Variants in KAZN observed in about 807,000 individuals in gnomAD.
KAZN encodes kazrin, periplakin interacting protein.
Under a neutral mutation model 87.4 loss-of-function variants are expected in KAZN, and 40 were observed. That is an observed-to-expected ratio of 0.46 (90% CI 0.36 to 0.60). The LOEUF (loss-of-function observed/expected upper bound fraction) is 0.60. Among genes scored for constraint, KAZN ranks in the 20% least tolerant of loss-of-function variants. KAZN has a pLI of 0.00. For synonymous variants in KAZN, 466 were observed against 458.3 expected (o/e 1.02, Z -0.22); for missense variants, 898 against 1,073.9 (o/e 0.84, Z 2.29).
intron 1 of KAZN, among the ~76,000 whole-genome samples, chr1:13,964,909 G>A (rs1437081541): frequency 6.6e-6 from 1 of 152,338 alleles, no homozygotes; most frequent in East Asian, 1.9e-4. Flanking sequence ...GAAACTGACA[G>A]TTGGACAAAG....
rs530098189 is a variant in KAZN, at chr1:14,210,491, C to T, written c.249+29899C>T. Among the ~76,000 whole-genome samples, 616 of 152,202 alleles carry T rather than the reference C, an allele frequency of 4.0e-3. 7 individuals carry two copies. The highest frequency in any genetic ancestry group is 6.2e-3 in the Non-Finnish European group (422 of 68,010). ...GATGCCTGCTACAGTGGAGGTGAAA[C>T]AAATTGTGAACAATGGGGTCTAAAC... On this transcript the variant is annotated intron_variant, in intron 2 of 16. Coordinates refer to the KAZN transcript ENST00000636203.
chr1:14,188,460 C>T (rs555844731), intron 2 of KAZN, among the ~76,000 whole-genome samples: 2 of 152,150 alleles, frequency 1.3e-5, no homozygotes, highest in African/African-American at 4.8e-5. Flanking sequence ...TTGGTGTCCA[C>T]AGAGGAACCG....
intron 1 of KAZN, among the ~76,000 whole-genome samples, chr1:14,083,237 A>C (rs1399094255): frequency 6.6e-6 from 1 of 152,234 alleles, no homozygotes; most frequent in Non-Finnish European, 1.5e-5. Context: ...TACATAGAGC[A>C]CTTTCTCATA....
chr1:14,326,461 C>T lies in KAZN; in HGVS notation c.249+145869C>T, dbSNP rs183196670. ...CACTTGGGTGATTGCACTGGGTTGC[C>T]CCCATCCTTGCCGTTGACTCTCCAT... On this transcript the variant is annotated intron_variant, in intron 2 of 16. Coordinates refer to the KAZN transcript ENST00000636203. Among the ~76,000 whole-genome samples the T allele has an allele frequency of 2.6e-5, 4 of 152,338 alleles. No homozygotes were observed. The East Asian group carries it at 5.8e-4, about 22-fold the overall frequency.
intron 2 of KAZN, among the ~76,000 whole-genome samples, chr1:14,268,492 G>GGA (rs1651672723): frequency 1.4e-5 from 2 of 147,954 alleles, no homozygotes; most frequent in Non-Finnish European, 3.0e-5. Flanking sequence ...AAAAGGAAAA[G>GGA]AAACTCAACA....
chr1:14,999,299 C>A (rs894015650), intron 2 of KAZN, among the ~76,000 whole-genome samples: 1 of 152,202 alleles, frequency 6.6e-6, no homozygotes, highest in Non-Finnish European at 1.5e-5. Flanking sequence ...TGACTTTAGC[C>A]CAGTGATTTC....
chr1:14,611,527 A>T (rs769040019), intron 1 of KAZN, among the ~76,000 whole-genome samples: 1 of 152,068 alleles, frequency 6.6e-6, no homozygotes, highest in Non-Finnish European at 1.5e-5. Context: ...TCTCTACAAA[A>T]ATCTTAAAAA....
intron 2 of KAZN, among the ~76,000 whole-genome samples, chr1:14,423,865 T>C (rs1479953913): frequency 1.3e-5 from 2 of 152,118 alleles, no homozygotes; most frequent in South Asian, 2.1e-4. Flanking sequence ...CTAGAGACAA[T>C]GTAAGGCTGG....
rs200434339 is a variant in KAZN at position 14,000,240 on chromosome 1, AC to A, written c.91+106485del. 6.9e-3 allele frequency among the ~76,000 whole-genome samples: 1,049 copies of A among 152,288 alleles called. 6 individuals carry two copies. The highest frequency in any genetic ancestry group is 0.024 in the Middle Eastern group (7 of 294). ...CTGATACCAAAACCGGGAAGAGGCAACAAAAAAAGAAAACTTCAGGCCAATA... is the reference window on the plus strand; with the variant it reads ...CTGATACCAAAACCGGGAAGAGGCAAAAAAAAAGAAAACTTCAGGCCAATA... On this transcript the variant is annotated intron_variant, in intron 1 of 16. Transcript: ENST00000636203.
At chr1:14,385,614 T>C (rs571400925) in intron 2 of KAZN, among the ~76,000 whole-genome samples, 1 of 152,368 alleles carries the variant, frequency 6.6e-6, no homozygotes, top group African/African-American at 2.4e-5. Flanking sequence ...TCCATGTAGT[T>C]GAGCGGTTTT....
At position 13,898,301 on chromosome 1, in the gene KAZN, C is replaced by T. The variant is rs1392362068; in HGVS notation, c.91+4545C>T. On this transcript the variant is annotated intron_variant, in intron 1 of 16. Transcript: ENST00000636203. ...TACCCCCTGACCTGGCATTTGGCTGCGTCTCTGCAGAGGGCTGTTGCCCCA... is the reference window on the plus strand; with the variant it reads ...TACCCCCTGACCTGGCATTTGGCTGTGTCTCTGCAGAGGGCTGTTGCCCCA... 3.9e-5 allele frequency among the ~76,000 whole-genome samples: 6 copies of T among 152,288 alleles called. No individual in the cohort carries two copies. In the South Asian group the frequency reaches 6.2e-4, roughly 16 times the overall value.
intron 2 of KAZN, among the ~76,000 whole-genome samples, chr1:14,992,398 A>G (rs996723392): frequency 2.6e-5 from 4 of 152,166 alleles, no homozygotes; most frequent in African/African-American, 7.2e-5. Flanking sequence ...AGCCCGGGCC[A>G]AGGGTGAGGA....
chr1:14,865,730 T>C (rs1440923633), intron 1 of KAZN, among the ~76,000 whole-genome samples: 1 of 152,152 alleles, frequency 6.6e-6, no homozygotes, highest in East Asian at 1.9e-4. Context: ...ATGACCTTAT[T>C]TGAAAACAAG....
intron 2 of KAZN, among the ~76,000 whole-genome samples, chr1:14,556,249 A>G (rs535041525): frequency 1.3e-5 from 2 of 151,880 alleles, no homozygotes; most frequent in East Asian, 1.9e-4. Context: ...AGCTGGGACT[A>G]CAGGTACCCA....
intron 1 of KAZN, among the ~76,000 whole-genome samples, chr1:14,741,337 G>A (rs1644092945): frequency 1.3e-5 from 2 of 152,234 alleles, no homozygotes; most frequent in Admixed American, 1.3e-4. Flanking sequence ...AGAGGAGGGG[G>A]CAGCTGGTGG....
At chr1:14,468,247 A>C (rs1436018878) in intron 2 of KAZN, among the ~76,000 whole-genome samples, 1 of 152,226 alleles carries the variant, frequency 6.6e-6, no homozygotes, top group Admixed American at 6.5e-5. Flanking sequence ...CACTAACTTT[A>C]AAAATCTTTT....
rs948876688 is a variant in KAZN at position 14,660,121 on chromosome 1, G to A, written c.226+60898G>A. Among the ~76,000 whole-genome samples, 7 of 152,240 alleles carry A rather than the reference G, an allele frequency of 4.6e-5. No homozygotes were observed. In the South Asian group the frequency reaches 8.3e-4, roughly 18 times the overall value. On this transcript the variant is annotated intron_variant, in intron 1 of 14. Coordinates refer to ENST00000376030, the MANE Select transcript of KAZN (RefSeq NM_201628.3). ...AATGCGATTAGGGCCTGCTTCAGTG[G>A]GGCTGGGAGGGGAAGGGAAGTCGAG...
At chr1:14,578,759 C>G (rs1285478494) in intron 2 of KAZN, among the ~76,000 whole-genome samples, 4 of 152,112 alleles carry the variant, frequency 2.6e-5, no homozygotes, top group African/African-American at 9.7e-5. Context: ...TGAAAATATA[C>G]TGATATTAAT....
chr1:14,579,767 G>A (rs1344791022), intron 2 of KAZN, among the ~76,000 whole-genome samples: 2 of 152,154 alleles, frequency 1.3e-5, no homozygotes, highest in Non-Finnish European at 2.9e-5. Flanking sequence ...TGTATTGCTG[G>A]GTAAGAAGCA....
Sources: gnomAD v4.1 joint callset for allele counts (sites outside exome capture counted in the v4.1 genomes callset) on GRCh38, gnomAD v4.1.1 for gene constraint, MANE v1.5 for transcripts, NCBI Gene and HGNC (gene_info 2026-07-23, HGNC 2026-07-21) for gene names.